MSI2: variants seen among roughly 807,000 people sequenced by gnomAD.
The protein encoded by MSI2 is RNA-binding protein Musashi homolog 2.
Under a neutral mutation model 45.6 loss-of-function variants are expected in MSI2, and 17 were observed. The ratio of observed to expected loss-of-function variants is 0.37; its 90% CI spans 0.26 to 0.56. MSI2 has a LOEUF of 0.56. MSI2 is among the 20% of genes least tolerant of loss of function. The probability of loss-of-function intolerance (pLI) is 0.77; values close to 1 mark genes in which losing one functional copy is unlikely to be tolerated. For synonymous variants in MSI2, 156 were observed against 158.2 expected (o/e 0.99, Z 0.11); for missense variants, 293 against 444.2 (o/e 0.66, Z 3.06).
At chr17:57,591,800 G>A (rs558641752) in intron 7 of MSI2, among the ~76,000 whole-genome samples, 97 of 151,838 alleles carry the variant, frequency 6.4e-4, no homozygotes, top group African/African-American at 2.2e-3. Flanking sequence ...GTTATTTAAC[G>A]GGTACAGAAA....
intron 5 of MSI2, among the ~76,000 whole-genome samples, chr17:57,320,160 T>C (rs1913210616): frequency 6.6e-6 from 1 of 152,178 alleles, no homozygotes; most frequent in South Asian, 2.1e-4. Context: ...TCGAAAGAAA[T>C]ACAATTACTC....
intron 6 of MSI2, chr17:57,449,604 A>G (rs2084959104): frequency 6.6e-6 from 1 of 152,234 alleles, no homozygotes; most frequent in Admixed American, 6.5e-5. Flanking sequence ...ATTTTCAAGA[A>G]GTAAATTTTA....
intron 7 of MSI2, among the ~76,000 whole-genome samples, chr17:57,571,786 G>T (rs983300241): frequency 1.3e-5 from 2 of 152,114 alleles, no homozygotes; most frequent in Non-Finnish European, 2.9e-5. Flanking sequence ...TTTCCTCTCT[G>T]TTCCCAGCTG....
intron 5 of MSI2, among the ~76,000 whole-genome samples, chr17:57,306,879 G>C (rs999368658): frequency 6.6e-6 from 1 of 152,162 alleles, no homozygotes; most frequent in Admixed American, 6.5e-5. Flanking sequence ...CTGCCCTCAT[G>C]AAAATGTGGT....
chr17:57,495,717 C>T (rs528168256), intron 6 of MSI2, among the ~76,000 whole-genome samples: 1 of 152,254 alleles, frequency 6.6e-6, no homozygotes, highest in African/African-American at 2.4e-5. Context: ...CCCAAACCTT[C>T]TCTGTCCTCA....
intron 7 of MSI2, among the ~76,000 whole-genome samples, chr17:57,547,004 T>C (rs1356314758): frequency 2.0e-5 from 3 of 152,166 alleles, no homozygotes; most frequent in South Asian, 2.1e-4. Flanking sequence ...TAGGGAGCTG[T>C]TGGCGAGGGG....
Position 57,674,952 on chromosome 17 carries a change from C to A in MSI2, c.791-20C>A. ...GCTACAGTGCTCAACCGAATTTTGGCGCGCCCGCTTCCCCGGCAGGCTCCA... is the reference window on the plus strand; with the variant it reads ...GCTACAGTGCTCAACCGAATTTTGGAGCGCCCGCTTCCCCGGCAGGCTCCA... On this transcript the variant is annotated intron_variant, in intron 11 of 13. Transcript: ENST00000284073. 1 of 1,612,190 alleles carries A rather than the reference C, an allele frequency of 6.2e-7. No individual in the cohort carries two copies. The highest frequency in any genetic ancestry group is 8.5e-7 in the Non-Finnish European group (1 of 1,179,218).
intron 5 of MSI2, among the ~76,000 whole-genome samples, chr17:57,377,381 A>G (rs2083518290): frequency 6.6e-6 from 1 of 152,092 alleles, no homozygotes; most frequent in African/African-American, 2.4e-5. Flanking sequence ...ACATCACCTC[A>G]TGTGTTGCAT....
Position 57,507,223 on chromosome 17 carries a change from CTCTGTGTGTGTGTGTGTG to C in MSI2, c.406-22451_406-22434del, listed in dbSNP as rs1252389686. ...TTCCCATTGGTTTTTGTCTTTGTCT[CTCTGTGTGTGTGTGTGTG>C]TGTGTGTGTGTGTGTGTGTGTGTGT... On this transcript the variant is annotated intron_variant, in intron 6 of 13. Coordinates refer to ENST00000284073, the MANE Select transcript of MSI2 (RefSeq NM_138962.4). Among the ~76,000 whole-genome samples the C allele has an allele frequency of 9.0e-4, 99 of 109,884 alleles. 5 individuals are homozygous for C. Among genetic ancestry groups the C allele is most frequent in the South Asian group, 1.7e-3 (5 of 2,984 alleles). 72.1% of individuals were successfully genotyped at this position (109,884 alleles called of 152,430 possible). A position where few individuals can be genotyped will look rare whatever the true frequency, so the allele number is the denominator to read the frequency against.
At chr17:57,541,155 G>GAA (rs1441181906) in intron 7 of MSI2, among the ~76,000 whole-genome samples, 1 of 149,928 alleles carries the variant, frequency 6.7e-6, no homozygotes, top group Non-Finnish European at 1.5e-5. Context: ...TTTTGGTAGA[G>GAA]AGAGAGAGAG....
intron 7 of MSI2, among the ~76,000 whole-genome samples, chr17:57,588,291 T>C (rs1904504089): frequency 6.6e-6 from 1 of 152,210 alleles, no homozygotes; most frequent in Non-Finnish European, 1.5e-5. Context: ...CTGGGTGCTG[T>C]GTACAGCTCA....
chr17:57,301,779 G>T (rs956913339), intron 5 of MSI2, among the ~76,000 whole-genome samples: 9 of 148,148 alleles, frequency 6.1e-5, no homozygotes, highest in East Asian at 2.0e-4. Context: ...AATATTCTTG[G>T]TTTTTTTTTT....
intron 5 of MSI2, among the ~76,000 whole-genome samples, chr17:57,359,922 G>T (rs1016667721): frequency 6.6e-6 from 1 of 152,206 alleles, no homozygotes; most frequent in Non-Finnish European, 1.5e-5. Context: ...GTGATGTGGG[G>T]TATTCTGGGA....
intron 6 of MSI2, among the ~76,000 whole-genome samples, chr17:57,446,222 C>T (rs557425891): frequency 6.6e-6 from 1 of 152,220 alleles, no homozygotes; most frequent in South Asian, 2.1e-4. Context: ...AGTGATCATC[C>T]AAGGACAGGG....
chr17:57,620,371 A>C (rs1908174145), intron 9 of MSI2, among the ~76,000 whole-genome samples: 1 of 152,240 alleles, frequency 6.6e-6, no homozygotes. Flanking sequence ...TGTACTCTTC[A>C]GAAAGAAAAA....
intron 5 of MSI2, among the ~76,000 whole-genome samples, chr17:57,381,332 C>T (rs1206609858): frequency 1.3e-5 from 2 of 152,108 alleles, no homozygotes; most frequent in African/African-American, 2.4e-5. Flanking sequence ...TCCCAGAGTG[C>T]GGGGATTATA....
chr17:57,486,310 G>C (rs572967598), intron 6 of MSI2, among the ~76,000 whole-genome samples: 3 of 152,340 alleles, frequency 2.0e-5, no homozygotes, highest in Admixed American at 2.0e-4. Flanking sequence ...TGTGGAATTA[G>C]AGCAGAGATA....
rs56412817 is a variant in MSI2, at chr17:57,596,753, T to A, written c.455-115T>A. 4.9e-3 allele frequency: 3,498 copies of A among 707,756 alleles called. 104 individuals carry two copies. The African/African-American group carries it at 0.056, about 11-fold the overall frequency. The allele number at this position is 707,756 out of a possible 1,614,324, so 43.8% of individuals were successfully genotyped here. A position where few individuals can be genotyped will look rare whatever the true frequency, so the allele number is the denominator to read the frequency against. ...AGGTCCTCCCAAGGATCCGCCTACC[T>A]ACCCCCAGACCAGGAGGCTGTCAAG... On this transcript the variant is annotated intron_variant, in intron 7 of 13. Transcript: ENST00000284073. The surrounding 1 kb of genome is among the most constrained non-coding windows in gnomAD (Gnocchi z 4.6).
intron 5 of MSI2, among the ~76,000 whole-genome samples, chr17:57,374,470 A>G (rs2083464354): frequency 6.6e-6 from 1 of 152,156 alleles, no homozygotes. Flanking sequence ...ATTTTCCCTC[A>G]AAATCCAAAA....
Sources: allele counts gnomAD v4.1 joint callset (sites outside exome capture counted in the v4.1 genomes callset), GRCh38; gene constraint gnomAD v4.1.1; non-coding constraint Gnocchi (gnomAD v3.1); transcripts MANE v1.5; gene names NCBI Gene and HGNC (gene_info 2026-07-23, HGNC 2026-07-21).